Variants in EYA3 observed in about 807,000 individuals in gnomAD.
EYA3 encodes EYA transcriptional coactivator and phosphatase 3.
Under a neutral mutation model 80.0 loss-of-function variants are expected in EYA3, and 39 were observed. That is an observed-to-expected ratio of 0.49 (90% CI 0.38 to 0.64). The LOEUF (loss-of-function observed/expected upper bound fraction) is 0.64, where lower values mean the gene tolerates loss of function less well. Ranked by LOEUF, EYA3 falls within the 30% of genes least tolerant of loss-of-function variation. The pLI is 0.00. For missense variants in EYA3, 523 were observed against 676.1 expected (o/e 0.77, Z 2.51); for synonymous variants, 206 against 232.8 (o/e 0.88, Z 1.05).
At chr1:28,065,577 C>T (rs1351951546) in intron 1 of EYA3, among the ~76,000 whole-genome samples, 1 of 151,710 alleles carries the variant, frequency 6.6e-6, no homozygotes, top group Non-Finnish European at 1.5e-5. Context: ...TAGATCTTAA[C>T]AATCTCAGCA....
At chr1:27,982,924 T>C (rs1392723135) in intron 16 of EYA3, among the ~76,000 whole-genome samples, 1 of 152,214 alleles carries the variant, frequency 6.6e-6, no homozygotes, top group African/African-American at 2.4e-5. Flanking sequence ...CACTTTTAAC[T>C]GCAATATAGC....
At chr1:28,028,861 TGA>T (rs1642946283) in intron 6 of EYA3, among the ~76,000 whole-genome samples, 1 of 152,072 alleles carries the variant, frequency 6.6e-6, no homozygotes, top group Non-Finnish European at 1.5e-5. Flanking sequence ...CAGGAGTAGC[TGA>T]GACTATGGGT....
chr1:27,994,528 A>C (rs1364019512), intron 13 of EYA3, among the ~76,000 whole-genome samples: 1 of 152,124 alleles, frequency 6.6e-6, no homozygotes, highest in Non-Finnish European at 1.5e-5. Context: ...CTTTACAAAA[A>C]ATACAAAAAT....
chr1:27,977,313 C>T (rs533431950), intron 17 of EYA3: 1 of 1,550,550 alleles, frequency 6.4e-7, no homozygotes, highest in East Asian at 2.4e-5. Flanking sequence ...AAGGTTTCCA[C>T]TTAACTGGAT....
chr1:28,087,837 T>C (rs1048418748), intron 1 of EYA3, among the ~76,000 whole-genome samples: 2 of 152,186 alleles, frequency 1.3e-5, no homozygotes, highest in African/African-American at 4.8e-5. Flanking sequence ...AAAACTGAGG[T>C]AAAGCGAAGA....
At position 28,068,331 on chromosome 1, in the gene EYA3, T is replaced by C. The variant is rs956041209; in HGVS notation, c.-68-10237A>G. 2.2e-4 allele frequency among the ~76,000 whole-genome samples: 30 copies of C among 135,016 alleles called. 1 individual carries two copies. The highest frequency in any genetic ancestry group is 7.1e-4 in the African/African-American group (26 of 36,656). The allele number at this position is 135,016 out of a possible 152,430, so 88.6% of individuals were successfully genotyped here. ...TGGGCAACAAGAGTTAAGACTCCCA[T>C]CTCAAAAAAAAAAAAAAAATTACAT... is the stretch of plus-strand genomic sequence containing the variant. On this transcript the variant is annotated intron_variant, in intron 1 of 17. Transcript: ENST00000373871.
intron 1 of EYA3, among the ~76,000 whole-genome samples, chr1:28,065,655 G>T (rs927501661): frequency 6.6e-6 from 1 of 151,658 alleles, no homozygotes; most frequent in African/African-American, 2.4e-5. Context: ...CTTCTCTTTG[G>T]TGTATCTGTA....
At chr1:28,054,436 G>A (rs1341018532) in intron 2 of EYA3, among the ~76,000 whole-genome samples, 2 of 152,226 alleles carry the variant, frequency 1.3e-5, no homozygotes, top group East Asian at 3.9e-4. Context: ...TTCAAAAAGA[G>A]TTTATTCCCA....
intron 14 of EYA3, among the ~76,000 whole-genome samples, chr1:27,991,791 T>G (rs1359084731): frequency 1.3e-5 from 2 of 152,214 alleles, no homozygotes; most frequent in Non-Finnish European, 2.9e-5. Flanking sequence ...TTTTAATCTA[T>G]TCTCCAAAGT....
chr1:27,974,576 C>A (rs1303406911), intron 17 of EYA3, 30 bp from the exon 18 acceptor site: 1 of 1,577,158 alleles, frequency 6.3e-7, no homozygotes, highest in Non-Finnish European at 8.7e-7. Flanking sequence ...GCTGGTTAAT[C>A]CAACTTCTTC....
At chr1:28,047,215 C>T (rs915435100) in intron 3 of EYA3, among the ~76,000 whole-genome samples, 10 of 151,900 alleles carry the variant, frequency 6.6e-5, no homozygotes, top group Non-Finnish European at 1.2e-4. Context: ...TCACTGTAAC[C>T]TCCGCCTCGT....
chr1:28,038,982 T>A lies in EYA3; in HGVS notation c.158-77A>T, dbSNP rs966928428. On this transcript the variant is annotated intron_variant, in intron 4 of 17. Transcript: ENST00000373871. ...GGAATGGGAAAACTGCACATCTCAC[T>A]GTATAGTCTTTCAAACTAATTAACA... is the stretch of plus-strand genomic sequence containing the variant. 6 of 847,242 alleles carry A rather than the reference T, an allele frequency of 7.1e-6. No individual in the cohort carries two copies. In the African/African-American group the frequency reaches 1.0e-4, roughly 14 times the overall value. 52.5% of individuals were successfully genotyped at this position (847,242 alleles called of 1,614,324 possible).
rs564567039 is a variant in EYA3 at position 28,025,170 on chromosome 1, C to A, written c.499+2619G>T. 6.4e-4 allele frequency among the ~76,000 whole-genome samples: 97 copies of A among 152,220 alleles called. 1 individual carries two copies. The highest frequency in any genetic ancestry group is 2.3e-3 in the African/African-American group (95 of 41,530). ...TAAGTAATTTAATACCAATAATACC[C>A]ACGTTTCATTTTAGCCCATTGTTTT... is the stretch of plus-strand genomic sequence containing the variant. On this transcript the variant is annotated intron_variant, in intron 7 of 17. Transcript: ENST00000373871.
intron 10 of EYA3, among the ~76,000 whole-genome samples, chr1:28,005,266 G>A (rs1233796029): frequency 2.6e-5 from 4 of 152,132 alleles, no homozygotes; most frequent in African/African-American, 4.8e-5. Flanking sequence ...AACATTTACA[G>A]AATTAACACG....
intron 2 of EYA3, among the ~76,000 whole-genome samples, chr1:28,057,117 C>T (rs993106923): frequency 1.3e-5 from 2 of 152,030 alleles, no homozygotes; most frequent in Non-Finnish European, 1.5e-5. Context: ...AAGTAATCAT[C>T]AATATGCATT....
chr1:28,064,422 ACT>A (rs1272713132), intron 1 of EYA3, among the ~76,000 whole-genome samples: 12 of 141,036 alleles, frequency 8.5e-5, no homozygotes, highest in African/African-American at 2.6e-5. Context: ...AGACAGCGAG[ACT>A]CTGCCTCAAA....
intron 1 of EYA3, among the ~76,000 whole-genome samples, chr1:28,085,681 A>C (rs1645625477): frequency 6.6e-6 from 1 of 152,234 alleles, no homozygotes. Flanking sequence ...CTACCAACTA[A>C]AGTAGAAATT....
chr1:28,062,089 G>A (rs1469119140), intron 1 of EYA3, among the ~76,000 whole-genome samples: 1 of 152,096 alleles, frequency 6.6e-6, no homozygotes, highest in African/African-American at 2.4e-5. Context: ...TACAAGACAT[G>A]CCCCGAGTTA....
At chr1:28,000,106 T>C (rs1172661218) in intron 11 of EYA3, 57 bp from the exon 12 acceptor site, 1 of 1,285,220 alleles carries the variant, frequency 7.8e-7, no homozygotes, top group Non-Finnish European at 1.1e-6. Flanking sequence ...CTGGTTCTAA[T>C]CTTCAAATTT....
Sources: gnomAD v4.1 joint callset for allele counts (sites outside exome capture counted in the v4.1 genomes callset) on GRCh38, gnomAD v4.1.1 for gene constraint, MANE v1.5 for transcripts, NCBI Gene and HGNC (gene_info 2026-07-23, HGNC 2026-07-21) for gene names.